SH3PXD2A: variants seen among roughly 807,000 people sequenced by gnomAD.
The protein encoded by SH3PXD2A is SH3 and PX domains 2A, also known as SH3 and PX domain-containing protein 2A.
SH3PXD2A carries 32 observed loss-of-function variants against 115.2 expected under a neutral mutation model. That is an observed-to-expected ratio of 0.28 (90% confidence interval 0.21 to 0.37). The LOEUF (loss-of-function observed/expected upper bound fraction) is 0.37, where lower values mean the gene tolerates loss of function less well. Ranked by LOEUF, SH3PXD2A falls within the 10% of genes least tolerant of loss-of-function variation. The probability of loss-of-function intolerance (pLI) is 1.00; values close to 1 mark genes in which losing one functional copy is unlikely to be tolerated. For missense variants in SH3PXD2A, 1,328 were observed against 1,498.7 expected, an observed-to-expected ratio of 0.89 and a Z score of 1.88; for synonymous variants, 610 against 629.1, an observed-to-expected ratio of 0.97 and a Z score of 0.45.
chr10:103,771,489 C>T (rs542963412), intron 2 of SH3PXD2A, among the ~76,000 whole-genome samples: 101 of 152,192 alleles, frequency 6.6e-4, no homozygotes, highest in Non-Finnish European at 1.2e-3. Flanking sequence ...CAGTAGCTCA[C>T]GCCTATAATC....
At chr10:103,604,095 C>G (rs1368221942) in intron 14 of SH3PXD2A, among the ~76,000 whole-genome samples, 1 of 152,208 alleles carries the variant, frequency 6.6e-6, no homozygotes. Context: ...CTGCACTGTT[C>G]CCAGTCCCTA....
rs2036533514 is a variant in SH3PXD2A, at chr10:103,617,271, C to T, written c.846G>A (p.Lys282=). Residue 282 remains lysine, a synonymous_variant, in exon 11 of 15, where the codon AAG becomes AAA. Coordinates refer to ENST00000369774, the MANE Select transcript of SH3PXD2A (RefSeq NM_001394015.1). The stretch of plus-strand genomic sequence containing the variant: ...CGCCCTTCTCAAAGCCAATCTCGTC[C>T]TTGCTTTGGCTGGTGTAAGGCTGCA... ...VTVQPYTSQS[K]DEIGFEKGVT... The T allele has an allele frequency of 1.2e-6, 2 of 1,614,224 alleles. No individual in the cohort carries two copies. Among genetic ancestry groups the T allele is most frequent in the Non-Finnish European group, 8.5e-7 (1 of 1,179,994 alleles).
intron 5 of SH3PXD2A, among the ~76,000 whole-genome samples, chr10:103,717,373 C>A (rs1341610486): frequency 6.6e-6 from 1 of 152,158 alleles, no homozygotes; most frequent in Non-Finnish European, 1.5e-5. Flanking sequence ...GCCAGGTTGC[C>A]AGCTCTAGGG....
At chr10:103,777,486 G>T (rs1400197282) in intron 2 of SH3PXD2A, among the ~76,000 whole-genome samples, 1 of 152,260 alleles carries the variant, frequency 6.6e-6, no homozygotes, top group Admixed American at 6.5e-5. Flanking sequence ...AGCTCATTCC[G>T]TGGGTGGGGG....
intron 2 of SH3PXD2A, among the ~76,000 whole-genome samples, chr10:103,791,794 T>C (rs1281930278): frequency 3.3e-5 from 5 of 152,018 alleles, no homozygotes; most frequent in Non-Finnish European, 5.9e-5. Flanking sequence ...AAACTCCATC[T>C]GCTTAAAGGG....
At position 103,601,692 on chromosome 10, in the gene SH3PXD2A, T is replaced by G; in HGVS notation, c.*124A>C. 1 of 335,660 alleles carries G rather than the reference T, an allele frequency of 3.0e-6. No homozygotes were observed. Among genetic ancestry groups the G allele is most frequent in the South Asian group, 3.1e-5 (1 of 32,182 alleles). The allele number at this position is 335,660 out of a possible 1,614,324, so 20.8% of individuals were successfully genotyped here. A position where few individuals can be genotyped will look rare whatever the true frequency, so the allele number is the denominator to read the frequency against. On this transcript the variant is annotated 3_prime_UTR_variant, in exon 15 of 15. Transcript: ENST00000369774. ...ATCTTTGAGGTCACCCATTCTGCAG[T>G]GTTGAATGTTGTCCACCCCCCACCC... is the stretch of plus-strand genomic sequence containing the variant.
chr10:103,679,899 C>A (rs1334746372), intron 6 of SH3PXD2A, among the ~76,000 whole-genome samples: 1 of 152,138 alleles, frequency 6.6e-6, no homozygotes, highest in Non-Finnish European at 1.5e-5. Context: ...CTGAGGACAC[C>A]CTTACTCACA....
chr10:103,837,273 A>G (rs2039554088), intron 1 of SH3PXD2A, among the ~76,000 whole-genome samples: 1 of 152,198 alleles, frequency 6.6e-6, no homozygotes, highest in Non-Finnish European at 1.5e-5. Flanking sequence ...GACAGGCACC[A>G]CCGGACAGGC....
At chr10:103,714,802 G>A (rs866081139) in intron 5 of SH3PXD2A, among the ~76,000 whole-genome samples, 6 of 152,374 alleles carry the variant, frequency 3.9e-5, no homozygotes, top group South Asian at 2.1e-4. Context: ...CACGTCCCTG[G>A]CCAGATGGGT....
At chr10:103,852,338 C>T (rs1319399390) in intron 1 of SH3PXD2A, among the ~76,000 whole-genome samples, 2 of 152,276 alleles carry the variant, frequency 1.3e-5, no homozygotes, top group Admixed American at 6.5e-5. Flanking sequence ...GATGAGCAAA[C>T]CCTTTGCAGA....
chr10:103,605,742 A>G, intron 14 of SH3PXD2A, 56 bp downstream of exon 14: 1 of 1,610,160 alleles, frequency 6.2e-7, no homozygotes, highest in Non-Finnish European at 8.5e-7. Context: ...TGGGAAATGC[A>G]GTAGGTTTTC....
intron 2 of SH3PXD2A, 22 bp from the exon 3 acceptor site, chr10:103,767,191 G>C: frequency 6.3e-7 from 1 of 1,596,016 alleles, no homozygotes; most frequent in Non-Finnish European, 8.6e-7. Context: ...GACAGACAGA[G>C]GGACAGGATT....
chr10:103,608,150 T>TAAAAAAAAAAAAAAAAAAGTTTACAAA (rs1554903068), intron 13 of SH3PXD2A, among the ~76,000 whole-genome samples: 3 of 32,668 alleles, frequency 9.2e-5, no homozygotes, highest in Admixed American at 8.3e-4. Context: ...ATGATCAATT[T>TAAAAAAAAAAAAAAAAAAGTTTACAAA]AAAAAAAAAA....
chr10:103,728,885 G>GTTTTT lies in SH3PXD2A; in HGVS notation c.307-4525_307-4524insAAAAA, dbSNP rs1170237835. 3.3e-3 allele frequency among the ~76,000 whole-genome samples: 326 copies of GTTTTT among 99,152 alleles called. 2 individuals carry two copies. Among genetic ancestry groups the GTTTTT allele is most frequent in the African/African-American group, 0.013 (268 of 20,244 alleles). 65.0% of individuals were successfully genotyped at this position (99,152 alleles called of 152,430 possible). On this transcript the variant is annotated intron_variant, in intron 4 of 14. Coordinates refer to ENST00000369774, the MANE Select transcript of SH3PXD2A (RefSeq NM_001394015.1). ...TAAGTAGCAAAGAGTTGTTTTTTTT[G>GTTTTT]TTTGTTTGTTTGTTTTTTTTTTTTT... is the stretch of plus-strand genomic sequence containing the variant.
chr10:103,695,092 G>A lies in SH3PXD2A; in HGVS notation c.399-2036C>T, dbSNP rs114500261. 5.2e-3 allele frequency among the ~76,000 whole-genome samples: 788 copies of A among 152,328 alleles called. 6 individuals carry two copies. The highest frequency in any genetic ancestry group is 0.018 in the African/African-American group (731 of 41,566). On this transcript the variant is annotated intron_variant, in intron 5 of 14. Coordinates refer to ENST00000369774, the MANE Select transcript of SH3PXD2A (RefSeq NM_001394015.1). Reference sequence around the variant, plus strand: ...GGCCTTTTCACTGAGGGCTACTGGGGAAGGGCAGGGAGTGAGGGCACTGAG... The same window carrying A: ...GGCCTTTTCACTGAGGGCTACTGGGAAAGGGCAGGGAGTGAGGGCACTGAG...
At chr10:103,823,090 T>G (rs1222334292) in intron 1 of SH3PXD2A, among the ~76,000 whole-genome samples, 2 of 152,222 alleles carry the variant, frequency 1.3e-5, no homozygotes, top group Non-Finnish European at 2.9e-5. Context: ...TAGGAATTTA[T>G]CTTGGGGAAT....
At chr10:103,625,531 C>T (rs2036678348) in intron 9 of SH3PXD2A, among the ~76,000 whole-genome samples, 1 of 152,218 alleles carries the variant, frequency 6.6e-6, no homozygotes, top group African/African-American at 2.4e-5. Context: ...CATTTCAGGA[C>T]CTGGTCTAGC....
In SH3PXD2A at chr10:103,808,442, G is replaced by C. The variant is rs546482515; in HGVS notation, c.73-7080C>G. ...AATTTTTGTATTTTTAGTAGAGACA[G>C]GGTTTCACCATGTTGGCAGGCTGGT... On this transcript the variant is annotated intron_variant, in intron 1 of 14. Coordinates refer to ENST00000369774, the MANE Select transcript of SH3PXD2A (RefSeq NM_001394015.1). Among the ~76,000 whole-genome samples, 3 of 152,182 alleles carry C rather than the reference G, an allele frequency of 2.0e-5. No individual in the cohort carries two copies. In the East Asian group the frequency reaches 5.8e-4, roughly 29 times the overall value.
At chr10:103,729,497 G>T (rs1027266308) in intron 4 of SH3PXD2A, among the ~76,000 whole-genome samples, 4 of 152,208 alleles carry the variant, frequency 2.6e-5, no homozygotes, top group Non-Finnish European at 5.9e-5. Context: ...AGCTCAGAGG[G>T]TTCCGAAGGC....
Sources: allele counts gnomAD v4.1 joint callset (sites outside exome capture counted in the v4.1 genomes callset), GRCh38; gene constraint gnomAD v4.1.1; transcripts MANE v1.5; gene names NCBI Gene and HGNC (gene_info 2026-07-23, HGNC 2026-07-21).